FER1L5: variants seen among roughly 807,000 people sequenced by gnomAD.
FER1L5 encodes fer-1-like protein 5.
A neutral mutation model predicts 279.9 loss-of-function variants in FER1L5; 187 were observed. That is an observed-to-expected ratio of 0.67 (90% CI 0.59 to 0.75). FER1L5 has a LOEUF of 0.75. Among genes scored for constraint, FER1L5 ranks in the 30% least tolerant of loss-of-function variants. The pLI, the probability that FER1L5 is intolerant of heterozygous loss-of-function variation, is 0.00. For missense variants in FER1L5, 2,091 were observed against 2,594.4 expected (o/e 0.81, Z 4.21); for synonymous variants, 921 against 989.7 (o/e 0.93, Z 1.30).
chr2:96,684,999 G>T (rs1022428603), intron 20 of FER1L5, among the ~76,000 whole-genome samples: 1 of 152,108 alleles, frequency 6.6e-6, no homozygotes, highest in African/African-American at 2.4e-5. Context: ...TCAAGTGCCT[G>T]TTGGGAGTGT....
In FER1L5 at chr2:96,668,768, C is replaced by G; in HGVS notation, c.1158C>G (p.Ser386Arg). 1 of 1,551,544 alleles carries G rather than the reference C, an allele frequency of 6.4e-7. No individual in the cohort carries two copies. The highest frequency in any genetic ancestry group is 2.4e-5 in the East Asian group (1 of 40,926). The change falls in exon 15 of 53, where the codon AGC (serine) becomes AGG (arginine). Residue 386 changes from serine to arginine, a missense_variant. Transcript: ENST00000624922. Reference sequence around the variant, plus strand: ...CTCCACAGCTACCCTGCCTCTCCAGCTACATCAAGTTCAGAGTCTTGGACT... The same window carrying G: ...CTCCACAGCTACCCTGCCTCTCCAGGTACATCAAGTTCAGAGTCTTGGACT... ...TFRIQLPCLS[S>R]YIKFRVLDCR...
intron 9 of FER1L5, among the ~76,000 whole-genome samples, chr2:96,656,209 TAA>T (rs2075592518): frequency 6.6e-6 from 1 of 152,202 alleles, no homozygotes; most frequent in South Asian, 2.1e-4. Flanking sequence ...TGCAAAAACA[TAA>T]GGATTTTATT....
intron 23 of FER1L5, among the ~76,000 whole-genome samples, chr2:96,686,938 G>A (rs2076952912): frequency 6.6e-6 from 1 of 150,410 alleles, no homozygotes; most frequent in African/African-American, 2.5e-5. Context: ...CCAGCCCCTT[G>A]TCATCTCTTC....
intron 51 of FER1L5, 96 bp from the exon 52 acceptor site, chr2:96,704,119 T>A (rs2077695306): frequency 6.9e-7 from 1 of 1,441,006 alleles, no homozygotes; most frequent in Non-Finnish European, 9.4e-7. Flanking sequence ...CCTGGCCCAG[T>A]AGTTGCTTTT....
chr2:96,658,488 T>C (rs778205767), intron 9 of FER1L5, among the ~76,000 whole-genome samples: 2 of 149,612 alleles, frequency 1.3e-5, no homozygotes, highest in Non-Finnish European at 3.0e-5. Flanking sequence ...GGCTAATTTT[T>C]GTATTAGCCC....
intron 19 of FER1L5, among the ~76,000 whole-genome samples, chr2:96,676,736 A>C (rs561593348): frequency 3.6e-4 from 54 of 151,800 alleles, no homozygotes; most frequent in Non-Finnish European, 6.0e-4. Context: ...TTAACTCATC[A>C]TAGTCTACTT....
Position 96,698,826 on chromosome 2 carries a change from T to C in FER1L5, c.4512T>C (p.Asn1504=). 1 of 1,561,108 alleles carries C rather than the reference T, an allele frequency of 6.4e-7. No homozygotes were observed. The highest frequency in any genetic ancestry group is 1.2e-5 in the South Asian group (1 of 84,556). Residue 1504 remains asparagine, a synonymous_variant, in exon 41 of 53, where the codon AAT becomes AAC. Coordinates refer to ENST00000624922, the MANE Select transcript of FER1L5 (RefSeq NM_001293083.2). This position sits in a 1 kb window ranked among gnomAD's most constrained non-coding sequence, Gnocchi z 5.5. The part of the protein sequence containing the change: ...RAINLQPQDY[N]GLCDPYVILK... ...TCAACCTGCAGCCCCAGGACTACAA[T>C]GGCCTGGTAAAGAACAGTACCTGCC...
chr2:96,690,672 C>G (rs920520002), intron 27 of FER1L5, 83 bp downstream of exon 27: 14 of 1,288,276 alleles, frequency 1.1e-5, no homozygotes, highest in Non-Finnish European at 1.5e-5. Flanking sequence ...TCAGAGCAGC[C>G]AAGCCCTCCA....
At position 96,691,468 on chromosome 2, in the gene FER1L5, G is replaced by A. The variant is rs78906699; in HGVS notation, c.2931G>A (p.Glu977=). ...LQLGLAKGEE[E]GWEYDTFGSK... ...AGGGCCTGGCCAAGGGCGAGGAGGAGGGCTGGGAGTATGACACCTTCGGCT... is the reference window on the plus strand; with the variant it reads ...AGGGCCTGGCCAAGGGCGAGGAGGAAGGCTGGGAGTATGACACCTTCGGCT... Residue 977 remains glutamate, a synonymous_variant, in exon 29 of 53, where the codon GAG becomes GAA. Coordinates refer to ENST00000624922, the MANE Select transcript of FER1L5 (RefSeq NM_001293083.2). The surrounding 1 kb of genome is among the most constrained non-coding windows in gnomAD (Gnocchi z 6.0). The A allele has an allele frequency of 1.6e-4, 248 of 1,546,072 alleles. No homozygotes were observed. The East Asian group carries it at 4.7e-3, about 29-fold the overall frequency.
intron 26 of FER1L5, among the ~76,000 whole-genome samples, chr2:96,690,047 G>A (rs1436622203): frequency 6.6e-6 from 1 of 152,206 alleles, no homozygotes; most frequent in Admixed American, 6.5e-5. Context: ...ATCTGCTTGG[G>A]GTAGGCTAAC....
intron 1 of FER1L5, among the ~76,000 whole-genome samples, chr2:96,643,358 TA>T (rs1279126230): frequency 1.3e-5 from 2 of 152,222 alleles, no homozygotes; most frequent in African/African-American, 4.8e-5. Flanking sequence ...TTTTATTTTT[TA>T]TTTTTTTTGA....
Position 96,702,373 on chromosome 2 carries a change from G to A in FER1L5, c.5227G>A (p.Glu1743Lys). Residue 1743 changes from glutamate (E) to lysine (K), a missense_variant, in exon 47 of 53, where the codon GAG becomes AAG. By Grantham distance (56) the Glu-to-Lys change is moderately conservative (BLOSUM62 1). Coordinates refer to ENST00000624922, the MANE Select transcript of FER1L5 (RefSeq NM_001293083.2). This position sits in a 1 kb window ranked among gnomAD's most constrained non-coding sequence, Gnocchi z 4.0. Reference protein sequence around the residue: ...VDLVDDNLSREKTSDIYIKGW... With the variant: ...VDLVDDNLSRKKTSDIYIKGW... ...CCTGGTGGATGACAATTTAAGTAGA[G>A]AGAAGACGAGCGACATCTACATCAA... 6.2e-7 allele frequency: 1 copy of A among 1,612,940 alleles called. No individual in the cohort carries two copies. The highest frequency in any genetic ancestry group is 1.3e-5 in the African/African-American group (1 of 75,042).
intron 45 of FER1L5, 28 bp from the exon 46 acceptor site, chr2:96,701,927 C>T (rs1203550224): frequency 6.2e-7 from 1 of 1,611,642 alleles, no homozygotes; most frequent in South Asian, 1.1e-5. Context: ...CTAGCAACCC[C>T]CAACCAGTCA....
At position 96,702,739 on chromosome 2, in the gene FER1L5, A is replaced by T. The variant is rs1183164926; in HGVS notation, c.5395A>T (p.Lys1799Ter). ...AAERTCVQSQ[K>*]DYIWSLDATS... ...GGAGCGCACGTGTGTCCAGAGCCAG[A>T]AGGTAACAGGCCTGGGGCGTGAGGG... Residue 1799 changes from lysine to a stop codon, truncating the protein, a stop_gained and splice_region_variant, in exon 48 of 53, where the codon AAG (lysine) becomes TAG (stop). Transcript: ENST00000624922. LOFTEE classifies it high-confidence loss of function. This position sits in a 1 kb window ranked among gnomAD's most constrained non-coding sequence, Gnocchi z 4.0. The T allele has an allele frequency of 6.2e-7, 1 of 1,612,894 alleles. No homozygotes were observed. Among genetic ancestry groups the T allele is most frequent in the Non-Finnish European group, 8.5e-7 (1 of 1,179,594 alleles).
rs549999443 is a variant in FER1L5, at chr2:96,672,150, C to T, written c.1492-927C>T. Among the ~76,000 whole-genome samples the T allele has an allele frequency of 1.1e-4, 16 of 152,302 alleles. No homozygotes were observed. The East Asian group carries it at 2.5e-3, about 24-fold the overall frequency. On this transcript the variant is annotated intron_variant, in intron 18 of 52. Coordinates refer to ENST00000624922, the MANE Select transcript of FER1L5 (RefSeq NM_001293083.2). ...CTGGAGTGCAATGGGGCGATCTCAG[C>T]TCACCACAACCTCCACCTCCTGGGT...
chr2:96,665,720 G>A (rs572102699), intron 14 of FER1L5, among the ~76,000 whole-genome samples: 3 of 151,936 alleles, frequency 2.0e-5, no homozygotes, highest in Admixed American at 1.3e-4. Flanking sequence ...TGAGTAGCTG[G>A]GGCTACAGGT....
intron 1 of FER1L5, among the ~76,000 whole-genome samples, chr2:96,646,137 T>TACA: frequency 6.6e-6 from 1 of 151,844 alleles, no homozygotes; most frequent in Admixed American, 6.6e-5. Flanking sequence ...TAGCTGGGAC[T>TACA]ACAGGCGCCC....
intron 24 of FER1L5, among the ~76,000 whole-genome samples, 172 bp downstream of exon 24, chr2:96,688,119 G>A (rs2077002957): frequency 6.6e-6 from 1 of 152,160 alleles, no homozygotes; most frequent in African/African-American, 2.4e-5. Context: ...GAAACTGAGG[G>A]CTAGGAGATA....
At chr2:96,659,307 TTC>T (rs2075744997) in intron 9 of FER1L5, among the ~76,000 whole-genome samples, 1 of 43,032 alleles carries the variant, frequency 2.3e-5, no homozygotes, top group African/African-American at 7.7e-5. Flanking sequence ...CCTTCCTTCC[TTC>T]CTTCCTTCCT....
Sources: allele counts gnomAD v4.1 joint callset (sites outside exome capture counted in the v4.1 genomes callset), GRCh38; gene constraint gnomAD v4.1.1; non-coding constraint Gnocchi (gnomAD v3.1); transcripts MANE v1.5; gene names NCBI Gene and HGNC (gene_info 2026-07-23, HGNC 2026-07-21).